TBC1D4: variants seen among roughly 807,000 people sequenced by gnomAD.
TBC1D4 encodes TBC (Tre-2, BUB2, CDC16) domain-containing protein.
A neutral mutation model predicts 142.5 loss-of-function variants in TBC1D4; 121 were observed. The observed-to-expected ratio is 0.85, with a 90% CI of 0.73 to 0.99. The LOEUF is 0.99. Ranked by LOEUF, TBC1D4 falls within the 50% of genes least tolerant of loss-of-function variation. The pLI is 0.00. For missense variants in TBC1D4, 1,475 were observed against 1,606.6 expected (o/e 0.92, Z 1.40); for synonymous variants, 630 against 628.2 (o/e 1.00, Z -0.04).
At chr13:75,434,442 G>A (rs1372479236) in intron 1 of TBC1D4, among the ~76,000 whole-genome samples, 1 of 152,106 alleles carries the variant, frequency 6.6e-6, no homozygotes, top group African/African-American at 2.4e-5. Flanking sequence ...TCACTTATAA[G>A]TAAGAGCTAA....
chr13:75,442,152 A>G (rs565986563), intron 1 of TBC1D4, among the ~76,000 whole-genome samples: 5 of 152,204 alleles, frequency 3.3e-5, no homozygotes, highest in Admixed American at 6.5e-5. Context: ...CAAAAGAAAA[A>G]TGTTACATCT....
In TBC1D4 at chr13:75,481,639, C is replaced by G; in HGVS notation, c.129G>C (p.Gly43=). The change falls in exon 1 of 21, where the codon GGG becomes GGC. Residue 43 remains glycine (G), a synonymous_variant. Transcript: ENST00000377636. ...GCGTGGTCCTGTGGTCCAGGCACGA[C>G]CCCCCAACGTACCACAGCCGGAACC... ...DKRFRLWYVG[G]SCLDHRTTLP... is the part of the protein sequence containing the mutation. 6.2e-7 allele frequency: 1 copy of G among 1,605,262 alleles called. No individual in the cohort carries two copies. Among genetic ancestry groups the G allele is most frequent in the African/African-American group, 1.3e-5 (1 of 74,496 alleles).
At position 75,441,607 on chromosome 13, in the gene TBC1D4, T is replaced by C. The variant is rs191129955; in HGVS notation, c.498+39663A>G. Among the ~76,000 whole-genome samples the C allele has an allele frequency of 3.9e-4, 59 of 152,342 alleles. 1 individual carries two copies. In the East Asian group the frequency reaches 0.01, roughly 26 times the overall value. Reference sequence around the variant, plus strand: ...TAAAAATATGATTTTTTATCTTCCATAGCCCAGGAACGTCTATGCACATGT... The same window carrying C: ...TAAAAATATGATTTTTTATCTTCCACAGCCCAGGAACGTCTATGCACATGT... On this transcript the variant is annotated intron_variant, in intron 1 of 20. Coordinates refer to ENST00000377636, the MANE Select transcript of TBC1D4 (RefSeq NM_014832.5).
At chr13:75,309,847 T>A (rs1566363291) in intron 14 of TBC1D4, 95 bp downstream of exon 14, 1 of 1,254,578 alleles carries the variant, frequency 8.0e-7, no homozygotes, top group Non-Finnish European at 1.2e-6. Context: ...AGTCCAAAAC[T>A]GAGTGCGGAT....
intron 1 of TBC1D4, among the ~76,000 whole-genome samples, chr13:75,417,791 C>A (rs1226686952): frequency 6.6e-6 from 1 of 152,192 alleles, no homozygotes; most frequent in Non-Finnish European, 1.5e-5. Context: ...CCTCAGGTGG[C>A]TGCCTGGCTT....
chr13:75,394,555 C>T (rs535400001), intron 1 of TBC1D4, among the ~76,000 whole-genome samples: 95 of 152,142 alleles, frequency 6.2e-4, no homozygotes, highest in African/African-American at 2.0e-3. Context: ...AAAAAGAATG[C>T]TCAGAACCAC....
At chr13:75,378,235 T>C (rs1342595813) in intron 1 of TBC1D4, among the ~76,000 whole-genome samples, 3 of 152,188 alleles carry the variant, frequency 2.0e-5, no homozygotes, top group South Asian at 2.1e-4. Context: ...TTGAAAATTC[T>C]TCAAATGCAT....
intron 1 of TBC1D4, among the ~76,000 whole-genome samples, chr13:75,421,623 G>A (rs1422304492): frequency 6.6e-6 from 1 of 151,908 alleles, no homozygotes; most frequent in Admixed American, 6.6e-5. Context: ...TGTGTGTAGA[G>A]TCTTGGGAGA....
chr13:75,408,104 A>G (rs1226424972), intron 1 of TBC1D4, among the ~76,000 whole-genome samples: 4 of 152,054 alleles, frequency 2.6e-5, no homozygotes, highest in Non-Finnish European at 5.9e-5. Context: ...CACCAATCGC[A>G]CCTCCATATC....
chr13:75,434,663 T>C (rs567160372), intron 1 of TBC1D4, among the ~76,000 whole-genome samples: 12 of 151,614 alleles, frequency 7.9e-5, no homozygotes, highest in African/African-American at 2.4e-4. Context: ...ACGAAATAAA[T>C]AAAAAGCTTC....
chr13:75,417,923 T>C (rs1885990606), intron 1 of TBC1D4, among the ~76,000 whole-genome samples: 1 of 152,142 alleles, frequency 6.6e-6, no homozygotes, highest in Non-Finnish European at 1.5e-5. Flanking sequence ...TCTTCCACAT[T>C]TGTCAACGTG....
At chr13:75,369,668 T>C (rs992983479) in intron 1 of TBC1D4, among the ~76,000 whole-genome samples, 2 of 152,140 alleles carry the variant, frequency 1.3e-5, no homozygotes, top group South Asian at 2.1e-4. Context: ...ACCCCCTAGG[T>C]CTCAGGTTTT....
At chr13:75,326,944 A>G (rs1057260935) in intron 9 of TBC1D4, among the ~76,000 whole-genome samples, 1 of 152,198 alleles carries the variant, frequency 6.6e-6, no homozygotes, top group African/African-American at 2.4e-5. Flanking sequence ...CTTCCGGAAA[A>G]TAAAGTCTGT....
intron 18 of TBC1D4, 114 bp downstream of exon 18, chr13:75,294,740 T>A: frequency 9.1e-7 from 1 of 1,103,308 alleles, no homozygotes; most frequent in Admixed American, 2.3e-5. Flanking sequence ...CCATTAGCAA[T>A]TTGCTATTCT....
intron 12 of TBC1D4, among the ~76,000 whole-genome samples, chr13:75,313,835 T>C (rs1878026521): frequency 6.6e-6 from 1 of 152,214 alleles, no homozygotes; most frequent in Non-Finnish European, 1.5e-5. Flanking sequence ...TGTTAAAAAA[T>C]GTTAACAGAT....
chr13:75,375,347 T>C (rs1053346988), intron 1 of TBC1D4, among the ~76,000 whole-genome samples: 2 of 152,206 alleles, frequency 1.3e-5, no homozygotes, highest in African/African-American at 2.4e-5. Context: ...ACATAGGTGA[T>C]AGTTTTCACC....
intron 17 of TBC1D4, among the ~76,000 whole-genome samples, chr13:75,295,799 A>G (rs1256800819): frequency 6.6e-6 from 1 of 152,198 alleles, no homozygotes; most frequent in South Asian, 2.1e-4. Flanking sequence ...TTTAATTTAA[A>G]TTTTTATCCA....
At chr13:75,380,723 C>T (rs546831963) in intron 1 of TBC1D4, among the ~76,000 whole-genome samples, 9 of 152,102 alleles carry the variant, frequency 5.9e-5, no homozygotes, top group African/African-American at 1.9e-4. Flanking sequence ...TCCACAAGAC[C>T]ACCTCCTATG....
At chr13:75,295,271 A>C (rs9318330) in intron 17 of TBC1D4, among the ~76,000 whole-genome samples, 2 of 151,952 alleles carry the variant, frequency 1.3e-5, no homozygotes, top group African/African-American at 4.8e-5. Flanking sequence ...CATACATACA[A>C]AGAAATGGAA....
Sources: allele counts gnomAD v4.1 joint callset (sites outside exome capture counted in the v4.1 genomes callset), GRCh38; gene constraint gnomAD v4.1.1; transcripts MANE v1.5; gene names NCBI Gene and HGNC (gene_info 2026-07-23, HGNC 2026-07-21).